Variants in FANCD2OS observed in about 807,000 individuals in gnomAD.
The protein encoded by FANCD2OS is FANCD2 opposite strand.
A neutral mutation model predicts 13.2 loss-of-function variants in FANCD2OS; 11 were observed. The observed-to-expected ratio is 0.83, with a 90% CI of 0.52 to 1.38. FANCD2OS has a LOEUF of 1.38. Ranked by LOEUF, FANCD2OS falls within the 40% of genes most tolerant of loss-of-function variation. The probability of loss-of-function intolerance (pLI) is 0.00; values close to 1 mark genes in which losing one functional copy is unlikely to be tolerated. For synonymous variants in FANCD2OS, 69 were observed against 84.5 expected (o/e 0.82, Z 1.01); for missense variants, 217 against 213.9 (o/e 1.01, Z -0.09).
In FANCD2OS at chr3:10,103,937, T is replaced by C; in HGVS notation, c.*304A>G. 1 of 299,526 alleles carries C rather than the reference T, an allele frequency of 3.3e-6. No homozygotes were observed. Among genetic ancestry groups the C allele is most frequent in the Admixed American group, 4.6e-5 (1 of 21,510 alleles). 18.6% of individuals were successfully genotyped at this position (299,526 alleles called of 1,614,324 possible). ...AATTCATTGTGGTTGTAGGTGTTTA[T>C]GTGAGTTCACACTAGGCTCATTGGT... On this transcript the variant is annotated 3_prime_UTR_variant, in exon 2 of 2. Transcript: ENST00000450660.
rs574416410 is a variant in FANCD2OS at position 10,086,865 on chromosome 3, G to T, written c.*44-5334C>A. Among the ~76,000 whole-genome samples the T allele has an allele frequency of 3.3e-5, 5 of 152,254 alleles. 1 individual carries two copies. Among genetic ancestry groups the T allele is most frequent in the Admixed American group, 3.3e-4 (5 of 15,278 alleles). ...TTTATCTAGGGTTGTACATATTAGC[G>T]TGGTGCTTGGGTTTCTCAGCATACA... On this transcript the variant is annotated intron_variant, in intron 2 of 2. Coordinates refer to the FANCD2OS transcript ENST00000524279.
At chr3:10,082,067 G>T (rs531990743) in intron 2 of FANCD2OS, among the ~76,000 whole-genome samples, 1 of 152,062 alleles carries the variant, frequency 6.6e-6, no homozygotes, top group Non-Finnish European at 1.5e-5. Flanking sequence ...AACTGCCTAC[G>T]CAACACCTCC....
Position 10,088,320 on chromosome 3 carries a change from T to G in FANCD2OS, c.*44-6789A>C, listed in dbSNP as rs542442381. ...TGACAGCTTTTTGTAAGTTGCCTGT[T>G]AGACCGGGAACGTCTTAGTAAATCT... is the stretch of plus-strand genomic sequence containing the variant. On this transcript the variant is annotated intron_variant, in intron 2 of 2. Coordinates refer to the FANCD2OS transcript ENST00000524279. 2.0e-5 allele frequency: 15 copies of G among 735,184 alleles called. No homozygotes were observed. The African/African-American group carries it at 2.6e-4, about 13-fold the overall frequency. 45.5% of individuals were successfully genotyped at this position (735,184 alleles called of 1,614,324 possible). A position where few individuals can be genotyped will look rare whatever the true frequency, so the allele number is the denominator to read the frequency against.
At chr3:10,095,167 T>G (rs770482835) in intron 2 of FANCD2OS, 20 of 1,562,780 alleles carry the variant, frequency 1.3e-5, no homozygotes, top group Non-Finnish European at 1.8e-5. Context: ...ATCAGGACAT[T>G]TCATAGAGCA....
rs374343764 is a variant in FANCD2OS, at chr3:10,096,352, A to T, written c.*43+7846T>A. 5.0e-6 allele frequency: 8 copies of T among 1,614,064 alleles called. No homozygotes were observed. The highest frequency in any genetic ancestry group is 6.8e-6 in the Non-Finnish European group (8 of 1,180,026). On this transcript the variant is annotated intron_variant, in intron 2 of 2. Transcript: ENST00000524279. ...TTCACCAGGACACGAGACTCACCCA[A>T]CATGTGCCTCTGCTCAAAAAGACCC... is the stretch of plus-strand genomic sequence containing the variant.
intron 2 of FANCD2OS, among the ~76,000 whole-genome samples, chr3:10,085,611 C>T (rs1694144954): frequency 1.3e-5 from 2 of 151,966 alleles, no homozygotes; most frequent in South Asian, 2.1e-4. Context: ...AAGATGGTCT[C>T]CATGTGTTGA....
At chr3:10,092,684 C>CTTTTTTT (rs565351425) in intron 2 of FANCD2OS, among the ~76,000 whole-genome samples, 1 of 72,050 alleles carries the variant, frequency 1.4e-5, no homozygotes, top group Non-Finnish European at 2.4e-5. Context: ...TCTTTCATGT[C>CTTTTTTT]TTTTTTTTTT....
chr3:10,101,777 ATTAT>A (rs1169742468), downstream of FANCD2OS: 3 of 207,116 alleles, frequency 1.4e-5, no homozygotes, highest in Admixed American at 5.4e-5. Context: ...CTAATGTAGC[ATTAT>A]TTATTGGTTT....
At chr3:10,103,934 TTATG>T (rs1695396687) in exon 2 of FANCD2OS, 4 of 291,174 alleles carry the variant, frequency 1.4e-5, no homozygotes, top group Non-Finnish European at 1.9e-5. Flanking sequence ...TTGTAGGTGT[TTATG>T]TGAGTTCACA....
chr3:10,084,925 G>C (rs1273756962), intron 2 of FANCD2OS, among the ~76,000 whole-genome samples: 3 of 151,942 alleles, frequency 2.0e-5, no homozygotes, highest in Admixed American at 2.0e-4. Flanking sequence ...GATTGAAAAG[G>C]GATGCAAAAA....
In FANCD2OS at chr3:10,104,765, A is replaced by G. The variant is rs1343144963; in HGVS notation, c.10T>C (p.Tyr4His). 1 of 1,582,196 alleles carries G rather than the reference A, an allele frequency of 6.3e-7. No homozygotes were observed. Among genetic ancestry groups the G allele is most frequent in the African/African-American group, 1.3e-5 (1 of 74,486 alleles). Residue 4 changes from tyrosine (Y) to histidine (H), a missense_variant, in exon 2 of 2, where the codon TAC becomes CAC. By Grantham distance (83) the Tyr-to-His change is moderately conservative. Coordinates refer to ENST00000450660, the MANE Select transcript of FANCD2OS (RefSeq NM_001164839.2). ...GGGGTCCATGGTGACCAGAGCTGGTATCCTGCCATTGACAGTCCTAAAGGA... is the reference window on the plus strand; with the variant it reads ...GGGGTCCATGGTGACCAGAGCTGGTGTCCTGCCATTGACAGTCCTAAAGGA... MAG[Y>H]QLWSPWTPLD...
intron 2 of FANCD2OS, among the ~76,000 whole-genome samples, chr3:10,084,118 T>C (rs1012200782): frequency 2.6e-5 from 4 of 151,474 alleles, no homozygotes; most frequent in African/African-American, 9.7e-5. Context: ...CTCAGCCTCC[T>C]GAATAGCTGA....
Position 10,104,581 on chromosome 3 carries a change from T to G in FANCD2OS, c.194A>C (p.Glu65Ala). 6.2e-7 allele frequency: 1 copy of G among 1,614,192 alleles called. No individual in the cohort carries two copies. The highest frequency in any genetic ancestry group is 1.1e-5 in the South Asian group (1 of 91,086). ...GGGTAACTTGGGACTCACTCCAGAT[T>G]CCAGGAATGGGCTGTCTAGGACTAG... The part of the protein sequence containing the change: ...VTLVLDSPFL[E>A]SGVSPKLPCH... Residue 65 changes from glutamate (E) to alanine (A), a missense_variant, in exon 2 of 2, where the codon GAA becomes GCA. Transcript: ENST00000450660.
chr3:10,083,744 C>G (rs1693990549), intron 2 of FANCD2OS: 1 of 151,592 alleles, frequency 6.6e-6, no homozygotes, highest in African/African-American at 2.4e-5. Flanking sequence ...AAAAATTAGC[C>G]GAGCGTGGTT....
chr3:10,102,351 A>G (rs1319185685), downstream of FANCD2OS, among the ~76,000 whole-genome samples: 1 of 151,130 alleles, frequency 6.6e-6, no homozygotes, highest in East Asian at 2.0e-4. Flanking sequence ...CACCATATTG[A>G]CCAGGCTGGT....
intron 1 of FANCD2OS, among the ~76,000 whole-genome samples, chr3:10,107,217 C>G (rs1695519705): frequency 6.6e-6 from 1 of 152,162 alleles, no homozygotes; most frequent in Non-Finnish European, 1.5e-5. Context: ...GGTATGAATG[C>G]TGTCAAGCAT....
chr3:10,087,300 T>A (rs80319361), intron 2 of FANCD2OS: 33 of 1,437,616 alleles, frequency 2.3e-5, no homozygotes, highest in Non-Finnish European at 2.6e-5. Context: ...TTTTTTTTTT[T>A]AATGAATAGG....
intron 2 of FANCD2OS, among the ~76,000 whole-genome samples, chr3:10,089,191 A>C (rs1284837887): frequency 6.6e-6 from 1 of 152,020 alleles, no homozygotes; most frequent in Non-Finnish European, 1.5e-5. Flanking sequence ...AGGCTGAGGT[A>C]GGAGAATTGC....
downstream of FANCD2OS, among the ~76,000 whole-genome samples, chr3:10,102,573 C>A (rs1313866563): frequency 6.6e-6 from 1 of 151,508 alleles, no homozygotes; most frequent in Non-Finnish European, 1.5e-5. Flanking sequence ...GCCTGTAATC[C>A]CAGCACTTTG....
Sources: gnomAD v4.1 joint callset for allele counts (sites outside exome capture counted in the v4.1 genomes callset) on GRCh38, gnomAD v4.1.1 for gene constraint, MANE v1.5 for transcripts, NCBI Gene and HGNC (gene_info 2026-07-23, HGNC 2026-07-21) for gene names.